MCM2: variants seen among roughly 807,000 people sequenced by gnomAD.
MCM2 encodes the protein DNA replication licensing factor MCM2.
Under a neutral mutation model 86.4 loss-of-function variants are expected in MCM2, and 49 were observed. The ratio of observed to expected loss-of-function variants is 0.57; its 90% CI spans 0.45 to 0.72. MCM2 has a LOEUF of 0.72. Among genes scored for constraint, MCM2 ranks in the 30% least tolerant of loss-of-function variants. MCM2 has a pLI of 0.00. For missense variants in MCM2, 1,038 were observed against 1,259.9 expected, an observed-to-expected ratio of 0.82 and a Z score of 2.67; for synonymous variants, 475 against 484.6, an observed-to-expected ratio of 0.98 and a Z score of 0.26.
intron 2 of MCM2, among the ~76,000 whole-genome samples, chr3:127,602,026 C>T (rs2074309581): frequency 6.6e-6 from 1 of 152,160 alleles, no homozygotes; most frequent in African/African-American, 2.4e-5. Flanking sequence ...AGGTTTTTTA[C>T]ATATTCTGAA....
Position 127,617,080 on chromosome 3 carries a change from G to T in MCM2, c.1735G>T (p.Ala579Ser). 6.2e-7 allele frequency: 1 copy of T among 1,614,182 alleles called. No individual in the cohort carries two copies. Among genetic ancestry groups the T allele is most frequent in the East Asian group, 2.2e-5 (1 of 44,878 alleles). ...WTLEAGALVL[A>S]DRGVCLIDEF... The stretch of plus-strand genomic sequence containing the variant: ...CTTGGAGGCTGGGGCCCTGGTTCTG[G>T]CTGACCGAGGAGTGTGTCTCATTGA... Residue 579 changes from alanine (A) to serine (S), a missense_variant, in exon 10 of 16, where the codon GCT (alanine) becomes TCT (serine). Physicochemically the swap from Ala to Ser is moderately conservative, Grantham distance 99. Around this residue, in one of 4 missense-constraint regions of MCM2, gnomAD observed 399 missense variants for 507.2 expected, o/e 0.79. Transcript: ENST00000265056. This position sits in a 1 kb window ranked among gnomAD's most constrained non-coding sequence, Gnocchi z 4.1.
At chr3:127,609,130 T>G in intron 8 of MCM2, 107 bp downstream of exon 8, 1 of 1,190,562 alleles carries the variant, frequency 8.4e-7, no homozygotes, top group Non-Finnish European at 1.2e-6. Context: ...CCTTGCCTTA[T>G]TCCCCTGGAG....
chr3:127,607,241 G>T (rs1472989209), intron 6 of MCM2, among the ~76,000 whole-genome samples: 2 of 152,164 alleles, frequency 1.3e-5, no homozygotes, highest in Non-Finnish European at 2.9e-5. Context: ...CTCACGTGGG[G>T]CCCCTGGACC....
At position 127,606,036 on chromosome 3, in the gene MCM2, C is replaced by G. The variant is rs2074344865; in HGVS notation, c.674-82C>G. On this transcript the variant is annotated intron_variant, in intron 4 of 15. Transcript: ENST00000265056. This position sits in a 1 kb window ranked among gnomAD's most constrained non-coding sequence, Gnocchi z 4.2. ...AAATCAATGGTCGGGGTGGGTAGGC[C>G]TTGCTTCTCACACAGGCATTGTTGC... is the stretch of plus-strand genomic sequence containing the variant. 10 of 1,112,076 alleles carry G rather than the reference C, an allele frequency of 9.0e-6. No homozygotes were observed. Among genetic ancestry groups the G allele is most frequent in the Non-Finnish European group, 1.3e-6 (1 of 740,868 alleles). The allele number at this position is 1,112,076 out of a possible 1,614,324, so 68.9% of individuals were successfully genotyped here.
chr3:127,608,309 C>T (rs2074365468), intron 6 of MCM2, 73 bp from the exon 7 acceptor site: 6 of 1,568,354 alleles, frequency 3.8e-6, no homozygotes, highest in South Asian at 2.3e-5. Flanking sequence ...GCCTGTTCTC[C>T]CTCCTGTTCG....
intron 8 of MCM2, among the ~76,000 whole-genome samples, chr3:127,611,688 T>A (rs9869798): frequency 1.0e-5 from 1 of 97,678 alleles, no homozygotes; most frequent in African/African-American, 4.7e-5. Flanking sequence ...CTGACTTTTT[T>A]TTTTTTTTTT....
chr3:127,612,173 A>G (rs2074403700), intron 8 of MCM2, among the ~76,000 whole-genome samples: 2 of 152,184 alleles, frequency 1.3e-5, no homozygotes, highest in African/African-American at 4.8e-5. Flanking sequence ...CCTTGCAGGT[A>G]GGGCCTGTGT....
At chr3:127,609,558 T>C (rs770609449) in intron 8 of MCM2, among the ~76,000 whole-genome samples, 81 of 151,984 alleles carry the variant, frequency 5.3e-4, no homozygotes, top group Non-Finnish European at 8.4e-4. Flanking sequence ...TCCTCTCACA[T>C]TGGCTTCCCA....
intron 6 of MCM2, among the ~76,000 whole-genome samples, chr3:127,607,974 C>T (rs2074363220): frequency 6.6e-6 from 1 of 152,234 alleles, no homozygotes; most frequent in Non-Finnish European, 1.5e-5. Flanking sequence ...TGTAACTTAA[C>T]ATTTATCAGA....
intron 6 of MCM2, among the ~76,000 whole-genome samples, chr3:127,607,936 A>G (rs1204353212): frequency 6.6e-6 from 1 of 152,230 alleles, no homozygotes. Context: ...CTGGCCTGTG[A>G]TACTTGACAG....
Position 127,618,036 on chromosome 3 carries a change from C to G in MCM2, c.1968C>G (p.Arg656=). Reference sequence around the variant, plus strand: ...ACCTCACAGAGCCCATCATCTCACGCTTTGACATCCTGTGTGTGGTGAGGG... The same window carrying G: ...ACCTCACAGAGCCCATCATCTCACGGTTTGACATCCTGTGTGTGGTGAGGG... ...NVDLTEPIIS[R]FDILCVVRDT... is the part of the protein sequence containing the mutation. The change falls in exon 12 of 16, where the codon CGC becomes CGG. Residue 656 remains arginine (R), a synonymous_variant. Transcript: ENST00000265056. The surrounding 1 kb of genome is among the most constrained non-coding windows in gnomAD (Gnocchi z 4.0). The G allele has an allele frequency of 6.2e-7, 1 of 1,614,116 alleles. No individual in the cohort carries two copies. The highest frequency in any genetic ancestry group is 8.5e-7 in the Non-Finnish European group (1 of 1,180,012).
At position 127,617,419 on chromosome 3, in the gene MCM2, CCT is replaced by C; in HGVS notation, c.1900+15_1900+16del. The C allele has an allele frequency of 6.2e-7, 1 of 1,611,418 alleles. No individual in the cohort carries two copies. The highest frequency in any genetic ancestry group is 1.1e-5 in the South Asian group (1 of 90,768). On this transcript the variant is annotated intron_variant, in intron 11 of 15. Transcript: ENST00000265056. This position sits in a 1 kb window ranked among gnomAD's most constrained non-coding sequence, Gnocchi z 4.1. ...CCAACCCCATAGGTGCAGCAGGCAC[CCT>C]GACTGCTGGGGCTGGGGTGGGACAC...
chr3:127,615,953 C>T lies in MCM2; in HGVS notation c.1520C>T (p.Pro507Leu). 6.2e-7 allele frequency: 1 copy of T among 1,613,424 alleles called. No individual in the cohort carries two copies. ...LALFGGEPKN[P>L]GGKHKVRGDI... ...CTGTTCGGAGGGGAGCCCAAAAACCCAGGTGAGCACCCACCTTTCCTCTGC... is the reference window on the plus strand; with the variant it reads ...CTGTTCGGAGGGGAGCCCAAAAACCTAGGTGAGCACCCACCTTTCCTCTGC... The change falls in exon 9 of 16, where the codon CCA (proline) becomes CTA (leucine). Residue 507 changes from proline to leucine, a missense_variant and splice_region_variant. Physicochemically the swap from Pro to Leu is moderately conservative, Grantham distance 98. This residue lies in a region of MCM2 where 399 missense variants were observed against 507.2 expected (regional missense o/e 0.79). Transcript: ENST00000265056.
At position 127,605,162 on chromosome 3, in the gene MCM2, G is replaced by A; in HGVS notation, c.673+6G>A. ...CATCAGCGACATGTGCAAAGGTGTG[G>A]CTTCCCTACGCCCCCGCCTCAGCCC... is the stretch of plus-strand genomic sequence containing the variant. On this transcript the variant is annotated splice_donor_region_variant and intron_variant, in intron 4 of 15. Coordinates refer to ENST00000265056, the MANE Select transcript of MCM2 (RefSeq NM_004526.4). 6.2e-7 allele frequency: 1 copy of A among 1,610,686 alleles called. No homozygotes were observed. The highest frequency in any genetic ancestry group is 8.5e-7 in the Non-Finnish European group (1 of 1,177,292).
intron 2 of MCM2, among the ~76,000 whole-genome samples, chr3:127,601,791 C>T (rs574865638): frequency 6.6e-6 from 1 of 152,366 alleles, no homozygotes; most frequent in East Asian, 1.9e-4. Context: ...CACTATCTTG[C>T]ATTCCCACCA....
In MCM2 at chr3:127,608,479, C is replaced by G. The variant is rs748293762; in HGVS notation, c.1199C>G (p.Ala400Gly). ...LPRSKDAILL[A>G]DLVDSCKPGD... is the part of the protein sequence containing the mutation. ...CGCTCCAAGGACGCCATTCTCCTCG[C>G]AGATCTGGTGGACAGCTGCAAGCCA... The change falls in exon 7 of 16, where the codon GCA becomes GGA. Residue 400 changes from alanine to glycine, a missense_variant. Around this residue, in one of 4 missense-constraint regions of MCM2, gnomAD observed 399 missense variants for 507.2 expected, o/e 0.79. Coordinates refer to ENST00000265056, the MANE Select transcript of MCM2 (RefSeq NM_004526.4). The G allele has an allele frequency of 1.6e-5, 26 of 1,614,124 alleles. No individual in the cohort carries two copies. The highest frequency in any genetic ancestry group is 2.0e-5 in the Non-Finnish European group (24 of 1,180,064).
Position 127,618,696 on chromosome 3 carries a change from A to C in MCM2, c.2014-331A>C, listed in dbSNP as rs1385443968. ...TCGTCATCTCAGCTCCCTGTCTTTC[A>C]GGGAGGGGCTTTGCCGGGCACCCTT... On this transcript the variant is annotated intron_variant, in intron 12 of 15. Transcript: ENST00000265056. This position sits in a 1 kb window ranked among gnomAD's most constrained non-coding sequence, Gnocchi z 4.0. 6.6e-6 allele frequency among the ~76,000 whole-genome samples: 1 copy of C among 152,124 alleles called. No individual in the cohort carries two copies. The highest frequency in any genetic ancestry group is 1.5e-5 in the Non-Finnish European group (1 of 68,026).
Position 127,604,723 on chromosome 3 carries a change from C to A in MCM2, c.352C>A (p.Arg118=). The A allele has an allele frequency of 1.2e-6, 2 of 1,611,182 alleles. No homozygotes were observed. Among genetic ancestry groups the A allele is most frequent in the Admixed American group, 3.3e-5 (2 of 59,832 alleles). ...GAGGGAGGCAGCAGAGCGGGCCATG[C>A]GGCAGCGTGACCGGGAGGCTGGCCG... The part of the protein sequence containing the change: ...SQREAAERAM[R]QRDREAGRGL... Residue 118 remains arginine (R), a synonymous_variant, in exon 3 of 16, where the codon CGG becomes AGG. Transcript: ENST00000265056.
At chr3:127,600,260 G>A (rs1466930284) in intron 2 of MCM2, among the ~76,000 whole-genome samples, 3 of 152,194 alleles carry the variant, frequency 2.0e-5, no homozygotes, top group South Asian at 4.1e-4. Flanking sequence ...CAGCCTGGGC[G>A]AAAAGAGTGA....
Sources: gnomAD v4.1 joint callset for allele counts (sites outside exome capture counted in the v4.1 genomes callset) on GRCh38, gnomAD v4.1.1 for gene constraint, gnomAD v4.1.1 regional missense constraint, Gnocchi (gnomAD v3.1) non-coding constraint, MANE v1.5 for transcripts, NCBI Gene and HGNC (gene_info 2026-07-23, HGNC 2026-07-21) for gene names.